EBF1: variants seen among roughly 807,000 people sequenced by gnomAD.
EBF1 encodes the protein EBF transcription factor 1.
In EBF1, 10 loss-of-function variants were observed where a neutral mutation model predicts 68.4. That is an observed-to-expected ratio of 0.15 (90% CI 0.09 to 0.25). EBF1 has a LOEUF of 0.25. Ranked by LOEUF, EBF1 falls within the 10% of genes least tolerant of loss-of-function variation. The pLI, the probability that EBF1 is intolerant of heterozygous loss-of-function variation, is 1.00. For missense variants in EBF1, 509 were observed against 794.4 expected (o/e 0.64, Z 4.32); for synonymous variants, 298 against 299.8 (o/e 0.99, Z 0.06).
intron 7 of EBF1, among the ~76,000 whole-genome samples, chr5:158,829,832 T>C (rs1787112515): frequency 6.6e-6 from 1 of 152,136 alleles, no homozygotes; most frequent in African/African-American, 2.4e-5. Context: ...ACTGTAATAA[T>C]GGGTGACATT....
At chr5:158,977,845 G>T (rs75205536) in intron 6 of EBF1, among the ~76,000 whole-genome samples, 1 of 152,072 alleles carries the variant, frequency 6.6e-6, no homozygotes, top group South Asian at 2.1e-4. Context: ...GCCTCAACCC[G>T]CCCTGCCTTA....
At chr5:159,004,726 G>A (rs567938340) in intron 6 of EBF1, among the ~76,000 whole-genome samples, 2 of 152,238 alleles carry the variant, frequency 1.3e-5, no homozygotes, top group South Asian at 4.2e-4. Flanking sequence ...TCCACTGAAT[G>A]TCACATTATC....
intron 15 of EBF1, 129 bp downstream of exon 15, chr5:158,707,850 T>C: frequency 8.7e-7 from 1 of 1,146,736 alleles, no homozygotes; most frequent in Non-Finnish European, 1.2e-6. Context: ...ACAGAAGAGA[T>C]GAGGGCAGAG....
At chr5:159,064,299 A>G (rs1490952253) in intron 6 of EBF1, among the ~76,000 whole-genome samples, 2 of 152,234 alleles carry the variant, frequency 1.3e-5, no homozygotes, top group Non-Finnish European at 2.9e-5. Flanking sequence ...GGATAGCAAG[A>G]AAAATGAAAT....
At chr5:159,027,797 A>G (rs1022521972) in intron 6 of EBF1, among the ~76,000 whole-genome samples, 3 of 152,152 alleles carry the variant, frequency 2.0e-5, no homozygotes, top group African/African-American at 7.2e-5. Context: ...CAGCCTTCCA[A>G]CAACTGTCAC....
intron 10 of EBF1, among the ~76,000 whole-genome samples, chr5:158,735,623 G>A (rs535889494): frequency 1.1e-4 from 16 of 152,256 alleles, no homozygotes; most frequent in African/African-American, 3.9e-4. Flanking sequence ...AATGGATATT[G>A]GTGGGATGTA....
At chr5:158,902,603 T>C (rs1327288474) in intron 6 of EBF1, among the ~76,000 whole-genome samples, 1 of 148,514 alleles carries the variant, frequency 6.7e-6, no homozygotes, top group South Asian at 2.1e-4. Context: ...ATTTTATTAT[T>C]ATTATTATTA....
chr5:159,014,356 C>T (rs1765256345), intron 6 of EBF1, among the ~76,000 whole-genome samples: 2 of 152,156 alleles, frequency 1.3e-5, no homozygotes, highest in Non-Finnish European at 2.9e-5. Context: ...ATACGGAAGG[C>T]TTTGCCATGT....
chr5:159,057,500 C>T (rs1262940808), intron 6 of EBF1, among the ~76,000 whole-genome samples: 1 of 152,176 alleles, frequency 6.6e-6, no homozygotes, highest in African/African-American at 2.4e-5. Flanking sequence ...CTTCCTTGGA[C>T]CCAAACCCAG....
chr5:158,830,074 G>A (rs939096571), intron 7 of EBF1, among the ~76,000 whole-genome samples: 3 of 152,148 alleles, frequency 2.0e-5, no homozygotes, highest in Non-Finnish European at 4.4e-5. Context: ...GAGGTTCATA[G>A]GAGAAAATGA....
chr5:159,034,914 C>T (rs1253861733), intron 6 of EBF1, among the ~76,000 whole-genome samples: 1 of 152,136 alleles, frequency 6.6e-6, no homozygotes, highest in Non-Finnish European at 1.5e-5. Context: ...CCCATTTTTC[C>T]CCTCATGTTG....
At chr5:159,022,346 G>C (rs1561816585) in intron 6 of EBF1, among the ~76,000 whole-genome samples, 2 of 152,322 alleles carry the variant, frequency 1.3e-5, no homozygotes, top group Admixed American at 1.3e-4. Context: ...CAGGATGTGC[G>C]CTGACTGACC....
At chr5:158,863,965 C>T (rs1045175688) in intron 6 of EBF1, among the ~76,000 whole-genome samples, 3 of 150,740 alleles carry the variant, frequency 2.0e-5, no homozygotes, top group Admixed American at 6.6e-5. Context: ...GGTGTGGTGG[C>T]TCATGCCTAT....
At chr5:158,767,153 G>A (rs1772880950) in intron 10 of EBF1, among the ~76,000 whole-genome samples, 1 of 152,076 alleles carries the variant, frequency 6.6e-6, no homozygotes, top group Non-Finnish European at 1.5e-5. Context: ...GATTGTGAGA[G>A]CTTATCTGTC....
At chr5:158,971,763 G>A (rs912998607) in intron 6 of EBF1, among the ~76,000 whole-genome samples, 3 of 152,052 alleles carry the variant, frequency 2.0e-5, no homozygotes, top group African/African-American at 2.4e-5. Flanking sequence ...GAACCAACAC[G>A]CCCATCCAGC....
chr5:158,879,766 G>C (rs1344885303), intron 6 of EBF1, among the ~76,000 whole-genome samples: 1 of 152,194 alleles, frequency 6.6e-6, no homozygotes, highest in Non-Finnish European at 1.5e-5. Flanking sequence ...GAGGAGAAAA[G>C]AAACGGACAG....
chr5:158,793,115 T>TCCC (rs35933184), intron 9 of EBF1, among the ~76,000 whole-genome samples: 1 of 152,278 alleles, frequency 6.6e-6, no homozygotes, highest in South Asian at 2.1e-4. Flanking sequence ...TTATTTAACT[T>TCCC]CCCCAAGCTT....
At chr5:158,769,271 T>C (rs773876172) in intron 10 of EBF1, among the ~76,000 whole-genome samples, 3 of 152,182 alleles carry the variant, frequency 2.0e-5, no homozygotes, top group Non-Finnish European at 4.4e-5. Context: ...ATATGTTTTC[T>C]TTGGACAGGG....
intron 8 of EBF1, among the ~76,000 whole-genome samples, chr5:158,801,148 A>T (rs144149868): frequency 1.5e-3 from 225 of 152,138 alleles, no homozygotes; most frequent in Admixed American, 3.4e-3. Flanking sequence ...TGACAATAAC[A>T]TGATTACCCT....
Sources: allele counts gnomAD v4.1 joint callset (sites outside exome capture counted in the v4.1 genomes callset), GRCh38; gene constraint gnomAD v4.1.1; transcripts MANE v1.5; gene names NCBI Gene and HGNC (gene_info 2026-07-23, HGNC 2026-07-21).